Variants in NEURL1 observed in about 807,000 individuals in gnomAD.
NEURL1 encodes E3 ubiquitin-protein ligase NEURL1.
A neutral mutation model predicts 41.2 loss-of-function variants in NEURL1; 26 were observed. The ratio of observed to expected loss-of-function variants is 0.63; its 90% CI spans 0.46 to 0.87. The LOEUF is 0.87. Among genes scored for constraint, NEURL1 ranks in the 40% least tolerant of loss-of-function variants. The pLI is 0.00. For missense variants in NEURL1, 761 were observed against 871.1 expected, an observed-to-expected ratio of 0.87 and a Z score of 1.59; for synonymous variants, 400 against 402.3, an observed-to-expected ratio of 0.99 and a Z score of 0.07.
intron 1 of NEURL1, among the ~76,000 whole-genome samples, chr10:103,498,766 G>GTTTAATATA (rs2033751120): frequency 6.6e-6 from 1 of 152,168 alleles, no homozygotes; most frequent in South Asian, 2.1e-4. Context: ...CCTATTCCAG[G>GTTTAATATA]CGTTTAATAT....
At chr10:103,553,382 G>A (rs1039275242) in intron 1 of NEURL1, among the ~76,000 whole-genome samples, 3 of 152,150 alleles carry the variant, frequency 2.0e-5, no homozygotes, top group African/African-American at 7.2e-5. Flanking sequence ...ATGGGAACTG[G>A]GTATGTGTGC....
chr10:103,587,658 G>T (rs1016373744), intron 4 of NEURL1, among the ~76,000 whole-genome samples: 1 of 152,202 alleles, frequency 6.6e-6, no homozygotes, highest in Admixed American at 6.5e-5. Context: ...AAAACATACA[G>T]CCAGTTCCAT....
chr10:103,546,207 C>T lies in NEURL1; in HGVS notation c.86-24665C>T, dbSNP rs377724442. 1.1e-3 allele frequency among the ~76,000 whole-genome samples: 164 copies of T among 152,288 alleles called. 3 individuals are homozygous for T. In the South Asian group the frequency reaches 0.033, roughly 30 times the overall value. On this transcript the variant is annotated intron_variant, in intron 1 of 5. Transcript: ENST00000369780. ...GTGGGTGCAGTGGCCCTGGGTCCCTCTGATTGATGCTGTGTTTATTTAACC... is the reference window on the plus strand; with the variant it reads ...GTGGGTGCAGTGGCCCTGGGTCCCTTTGATTGATGCTGTGTTTATTTAACC...
At chr10:103,533,589 T>C (rs2034621375) in intron 1 of NEURL1, among the ~76,000 whole-genome samples, 1 of 151,844 alleles carries the variant, frequency 6.6e-6, no homozygotes, top group Non-Finnish European at 1.5e-5. Context: ...CAGGCTGGAG[T>C]GCAGTGGCGC....
At chr10:103,586,588 A>G (rs1413045408) in intron 4 of NEURL1, among the ~76,000 whole-genome samples, 2 of 152,200 alleles carry the variant, frequency 1.3e-5, no homozygotes, top group East Asian at 3.8e-4. Flanking sequence ...TAGTTACTCT[A>G]TGAGATTGGC....
intron 4 of NEURL1, among the ~76,000 whole-genome samples, chr10:103,585,701 G>A (rs996510285): frequency 2.1e-4 from 32 of 152,228 alleles, no homozygotes; most frequent in African/African-American, 7.5e-4. Context: ...GGGCATGGTG[G>A]TGGGCGCCTG....
intron 1 of NEURL1, among the ~76,000 whole-genome samples, chr10:103,502,660 A>G (rs1414282274): frequency 6.6e-6 from 1 of 152,230 alleles, no homozygotes; most frequent in Non-Finnish European, 1.5e-5. Flanking sequence ...AGCAGATGGC[A>G]TGTGCTCACT....
Position 103,558,503 on chromosome 10 carries a change from C to CTGTGTGTG in NEURL1, c.86-12331_86-12324dup, listed in dbSNP as rs3068767. Reference sequence around the variant, plus strand: ...GTGGTACTCTGTGCCTGTGCCATGCCTGTGTGTGTGTGTGTGTGTGTGTGT... The same window carrying CTGTGTGTG: ...GTGGTACTCTGTGCCTGTGCCATGCCTGTGTGTGTGTGTGTGTGTGTGTGTGTGTGTGT... On this transcript the variant is annotated intron_variant, in intron 1 of 5. Coordinates refer to ENST00000369780, the MANE Select transcript of NEURL1 (RefSeq NM_004210.5). This position sits in a 1 kb window ranked among gnomAD's most constrained non-coding sequence, Gnocchi z 4.2. 0.011 allele frequency among the ~76,000 whole-genome samples: 1,415 copies of CTGTGTGTG among 131,990 alleles called. 37 individuals carry two copies. Among genetic ancestry groups the CTGTGTGTG allele is most frequent in the African/African-American group, 0.04 (1,361 of 34,216 alleles). The allele number at this position is 131,990 out of a possible 152,430, so 86.6% of individuals were successfully genotyped here.
chr10:103,513,333 G>A (rs1010380522), intron 1 of NEURL1, among the ~76,000 whole-genome samples: 2 of 152,242 alleles, frequency 1.3e-5, no homozygotes, highest in African/African-American at 4.8e-5. Flanking sequence ...ACTGGGCCGT[G>A]GCAGGGAACT....
chr10:103,526,193 C>G (rs1176150293), intron 1 of NEURL1, among the ~76,000 whole-genome samples: 1 of 119,368 alleles, frequency 8.4e-6, no homozygotes, highest in Non-Finnish European at 1.8e-5. Flanking sequence ...TGGCCTGTAG[C>G]TTTCTTTTTT....
At chr10:103,533,058 C>G (rs1235492200) in intron 1 of NEURL1, among the ~76,000 whole-genome samples, 1 of 150,806 alleles carries the variant, frequency 6.6e-6, no homozygotes, top group African/African-American at 2.4e-5. Flanking sequence ...TCCCGAGTAG[C>G]TGGGACCACA....
chr10:103,557,359 TGGGCCCAA>T (rs1373981524), intron 1 of NEURL1, among the ~76,000 whole-genome samples: 3 of 152,140 alleles, frequency 2.0e-5, no homozygotes, highest in East Asian at 1.9e-4. Flanking sequence ...AAAGGCAACC[TGGGCCCAA>T]GGTCATATTC....
intron 1 of NEURL1, among the ~76,000 whole-genome samples, chr10:103,568,683 T>A (rs998424778): frequency 1.5e-4 from 22 of 151,704 alleles, no homozygotes; most frequent in African/African-American, 3.4e-4. Flanking sequence ...AACCACCATT[T>A]AAAAAAAAAG....
intron 1 of NEURL1, among the ~76,000 whole-genome samples, chr10:103,521,580 A>T (rs1478342712): frequency 1.3e-5 from 2 of 152,150 alleles, no homozygotes; most frequent in Non-Finnish European, 2.9e-5. Flanking sequence ...AGGAAATGAG[A>T]GGTTCTAACA....
rs766628083 is a variant in NEURL1, at chr10:103,571,788, C to T, written c.615C>T (p.Asp205=). The change falls in exon 3 of 6, where the codon GAC becomes GAT. Residue 205 remains aspartate (D), a synonymous_variant. Coordinates refer to ENST00000369780, the MANE Select transcript of NEURL1 (RefSeq NM_004210.5). ...CCGACCCGCTCTGGGCCCTGGTGGACGTCTACGGCCTCACGCGGGGCGTCC... is the reference window on the plus strand; with the variant it reads ...CCGACCCGCTCTGGGCCCTGGTGGATGTCTACGGCCTCACGCGGGGCGTCC... ...RTADPLWALV[D]VYGLTRGVQL... is the part of the protein sequence containing the mutation. 83 of 1,611,742 alleles carry T rather than the reference C, an allele frequency of 5.1e-5. No homozygotes were observed. The highest frequency in any genetic ancestry group is 6.3e-5 in the Non-Finnish European group (74 of 1,178,694).
At position 103,571,794 on chromosome 10, in the gene NEURL1, C is replaced by T. The variant is rs146599808; in HGVS notation, c.621C>T (p.Tyr207=). The part of the protein sequence containing the change: ...ADPLWALVDV[Y]GLTRGVQLLD... Reference sequence around the variant, plus strand: ...CGCTCTGGGCCCTGGTGGACGTCTACGGCCTCACGCGGGGCGTCCAGCTGC... The same window carrying T: ...CGCTCTGGGCCCTGGTGGACGTCTATGGCCTCACGCGGGGCGTCCAGCTGC... Residue 207 remains tyrosine, a synonymous_variant, in exon 3 of 6, where the codon TAC becomes TAT. Transcript: ENST00000369780. The T allele has an allele frequency of 2.4e-5, 39 of 1,609,888 alleles. No homozygotes were observed. Among genetic ancestry groups the T allele is most frequent in the East Asian group, 1.8e-4 (8 of 44,834 alleles).
At chr10:103,525,265 T>C (rs2034436043) in intron 1 of NEURL1, among the ~76,000 whole-genome samples, 1 of 152,064 alleles carries the variant, frequency 6.6e-6, no homozygotes, top group Non-Finnish European at 1.5e-5. Flanking sequence ...GATTTTTGTA[T>C]GTTGATTTTG....
intron 4 of NEURL1, 116 bp from the exon 5 acceptor site, chr10:103,589,398 G>T: frequency 1.7e-6 from 2 of 1,164,918 alleles, no homozygotes; most frequent in Non-Finnish European, 1.2e-6. Flanking sequence ...TCCCGCTCTT[G>T]GCCCTGTGGC....
intron 1 of NEURL1, among the ~76,000 whole-genome samples, chr10:103,506,459 C>A (rs955246273): frequency 3.9e-5 from 6 of 152,148 alleles, no homozygotes; most frequent in African/African-American, 1.4e-4. Context: ...ATGGTCTCTG[C>A]CCTGACATAC....
Sources: gnomAD v4.1 joint callset for allele counts (sites outside exome capture counted in the v4.1 genomes callset) on GRCh38, gnomAD v4.1.1 for gene constraint, Gnocchi (gnomAD v3.1) non-coding constraint, MANE v1.5 for transcripts, NCBI Gene and HGNC (gene_info 2026-07-23, HGNC 2026-07-21) for gene names.